Variants in WDFY4 observed in about 807,000 individuals in gnomAD.
WDFY4 encodes the protein WDFY family member 4, also known as WD repeat- and FYVE domain-containing protein 4.
WDFY4 carries 169 observed loss-of-function variants against 351.9 expected under a neutral mutation model. That is an observed-to-expected ratio of 0.48 (90% CI 0.42 to 0.55). The LOEUF (loss-of-function observed/expected upper bound fraction) is 0.55. Among genes scored for constraint, WDFY4 ranks in the 20% least tolerant of loss-of-function variants. The pLI is 0.00. For synonymous variants in WDFY4, 1,622 were observed against 1,574.6 expected, an observed-to-expected ratio of 1.03 and a Z score of -0.71; for missense variants, 3,803 against 3,935.6, an observed-to-expected ratio of 0.97 and a Z score of 0.90.
At chr10:48,810,483 C>T (rs1425317206) in intron 28 of WDFY4, 47 bp from the exon 29 acceptor site, 1 of 1,503,954 alleles carries the variant, frequency 6.6e-7, no homozygotes, top group Middle Eastern at 1.8e-4. Flanking sequence ...GGACATGTCA[C>T]TCGCTCATGG....
intron 44 of WDFY4, among the ~76,000 whole-genome samples, chr10:48,892,994 CA>C (rs1167357265): frequency 6.6e-6 from 1 of 152,138 alleles, no homozygotes; most frequent in Non-Finnish European, 1.5e-5. Context: ...TGCACACACA[CA>C]AAAAAACAGA....
Position 48,864,482 on chromosome 10 carries a change from T to G in WDFY4, c.6664-2783T>G, listed in dbSNP as rs113644102. ...AGTGCTGCACTGCCTTGTTTGCCAT[T>G]GCTTTACAGTAAGTTTTGAAATCAG... On this transcript the variant is annotated intron_variant, in intron 39 of 61. Transcript: ENST00000325239. Among the ~76,000 whole-genome samples, 115 of 152,344 alleles carry G rather than the reference T, an allele frequency of 7.5e-4. 1 individual carries two copies. The highest frequency in any genetic ancestry group is 2.6e-3 in the African/African-American group (109 of 41,582).
rs1427867499 is a variant in WDFY4 at position 48,811,676 on chromosome 10, A to T, written c.5182A>T (p.Thr1728Ser). Residue 1728 changes from threonine (T) to serine (S), a missense_variant, in exon 30 of 62, where the codon ACA becomes TCA. Transcript: ENST00000325239. ...CATCGTCTCCACCTTCTTCCTGCAG[A>T]CACCACTCACAGAGCTGATGGACGG... ...YLIVSTFFLQTPLTELMDGPK... is the reference protein window; with the variant it reads ...YLIVSTFFLQSPLTELMDGPK... The T allele has an allele frequency of 1.9e-5, 29 of 1,551,720 alleles. No homozygotes were observed. The highest frequency in any genetic ancestry group is 2.5e-5 in the Non-Finnish European group (29 of 1,147,010).
chr10:48,785,560 C>G (rs1000503899), intron 19 of WDFY4, among the ~76,000 whole-genome samples: 2 of 152,238 alleles, frequency 1.3e-5, no homozygotes, highest in East Asian at 3.9e-4. Context: ...TGTGGATGTT[C>G]AATTGCTCCA....
intron 13 of WDFY4, among the ~76,000 whole-genome samples, chr10:48,764,369 T>C (rs1040214017): frequency 2.0e-5 from 3 of 152,184 alleles, no homozygotes; most frequent in Non-Finnish European, 4.4e-5. Flanking sequence ...TATTAGAAAT[T>C]GGGTAGTGGG....
At chr10:48,767,118 T>C (rs1251539913) in intron 13 of WDFY4, among the ~76,000 whole-genome samples, 1 of 152,236 alleles carries the variant, frequency 6.6e-6, no homozygotes, top group East Asian at 1.9e-4. Flanking sequence ...TCATGAGCCT[T>C]GGAGTAAGGC....
At chr10:48,810,044 A>T (rs1201791328) in intron 28 of WDFY4, among the ~76,000 whole-genome samples, 1 of 141,554 alleles carries the variant, frequency 7.1e-6, no homozygotes. Context: ...GACGTTAATC[A>T]TGTTTCTTTT....
At chr10:48,739,335 C>T (rs1177416088) in intron 11 of WDFY4, among the ~76,000 whole-genome samples, 2 of 152,190 alleles carry the variant, frequency 1.3e-5, no homozygotes, top group East Asian at 1.9e-4. Flanking sequence ...ATGTGCTTAA[C>T]GCTGACCTTT....
chr10:48,734,022 G>C lies in WDFY4; in HGVS notation c.1674G>C (p.Ser558=). ...LRIVVTLLKG[S]VRNAVVLKDH... is the part of the protein sequence containing the mutation. ...TTGTAGTCACACTTCTGAAAGGCTC[G>C]GTGAGGAATGCAGGTAAGGATGGTG... Residue 558 remains serine, a synonymous_variant, in exon 10 of 62, where the codon TCG becomes TCC. Transcript: ENST00000325239. The C allele has an allele frequency of 6.4e-7, 1 of 1,552,040 alleles. No individual in the cohort carries two copies. Among genetic ancestry groups the C allele is most frequent in the Non-Finnish European group, 8.7e-7 (1 of 1,147,070 alleles).
chr10:48,813,887 A>G, intron 30 of WDFY4, 70 bp from the exon 31 acceptor site: 5 of 1,411,136 alleles, frequency 3.5e-6, no homozygotes, highest in Non-Finnish European at 4.6e-6. Context: ...AACATGATGA[A>G]CTGGCTGCAA....
intron 39 of WDFY4, among the ~76,000 whole-genome samples, chr10:48,847,256 C>A (rs1009426851): frequency 6.6e-6 from 1 of 152,138 alleles, no homozygotes; most frequent in East Asian, 1.9e-4. Context: ...TATAAGCACA[C>A]CAGTCACGTA....
rs545023929 is a variant in WDFY4, at chr10:48,791,600, G to A, written c.4257+683G>A. On this transcript the variant is annotated intron_variant, in intron 23 of 61. Transcript: ENST00000325239. ...GCATGTGTTTACTGTGATTGTCATTGCTATTTAGAATTGGTAAAGTCAGAT... is the reference window on the plus strand; with the variant it reads ...GCATGTGTTTACTGTGATTGTCATTACTATTTAGAATTGGTAAAGTCAGAT... Among the ~76,000 whole-genome samples the A allele has an allele frequency of 4.6e-5, 7 of 152,320 alleles. No homozygotes were observed. The South Asian group carries it at 8.3e-4, about 18-fold the overall frequency.
At chr10:48,702,350 T>C (rs1053393067) in intron 1 of WDFY4, among the ~76,000 whole-genome samples, 1 of 152,186 alleles carries the variant, frequency 6.6e-6, no homozygotes, top group Non-Finnish European at 1.5e-5. Context: ...ACAGGACATT[T>C]CTATCCCCCG....
Position 48,741,040 on chromosome 10 carries a change from G to T in WDFY4, c.1879-1928G>T, listed in dbSNP as rs184119741. The stretch of plus-strand genomic sequence containing the variant: ...TCTCCTAGTAACTGCAATCTGTTTT[G>T]TTTTTTAAATTTCTGGAAATGTCAT... On this transcript the variant is annotated intron_variant, in intron 11 of 61. Coordinates refer to ENST00000325239, the MANE Select transcript of WDFY4 (RefSeq NM_001394531.1). 5.3e-3 allele frequency among the ~76,000 whole-genome samples: 806 copies of T among 152,158 alleles called. 4 individuals carry two copies. Among genetic ancestry groups the T allele is most frequent in the Non-Finnish European group, 7.1e-3 (486 of 67,976 alleles).
At chr10:48,790,040 A>T in intron 22 of WDFY4, 55 bp downstream of exon 22, 3 of 1,516,250 alleles carry the variant, frequency 2.0e-6, no homozygotes, top group Non-Finnish European at 2.7e-6. Context: ...TTGTGCTGTC[A>T]TGGCTTGTGC....
At chr10:48,753,129 A>ATTT (rs536554250) in intron 12 of WDFY4, among the ~76,000 whole-genome samples, 10 of 152,010 alleles carry the variant, frequency 6.6e-5, no homozygotes, top group Non-Finnish European at 1.5e-5. Context: ...ATAATGTTGA[A>ATTT]TTTTTTTATG....
intron 5 of WDFY4, among the ~76,000 whole-genome samples, chr10:48,723,783 T>C (rs141000835): frequency 1.9e-3 from 284 of 152,222 alleles, no homozygotes; most frequent in African/African-American, 6.7e-3. Context: ...ATAAGCTTTG[T>C]ACCCACCCCT....
At chr10:48,771,874 T>G (rs2065876653) in intron 13 of WDFY4, among the ~76,000 whole-genome samples, 1 of 152,180 alleles carries the variant, frequency 6.6e-6, no homozygotes, top group Admixed American at 6.5e-5. Context: ...CAGGGAGGAC[T>G]CCAAGAAAGC....
At chr10:48,864,380 T>A (rs547305272) in intron 39 of WDFY4, among the ~76,000 whole-genome samples, 1 of 152,360 alleles carries the variant, frequency 6.6e-6, no homozygotes, top group South Asian at 2.1e-4. Context: ...TGTAAAGAAT[T>A]AATTGAATAT....
Sources: gnomAD v4.1 joint callset for allele counts (sites outside exome capture counted in the v4.1 genomes callset) on GRCh38, gnomAD v4.1.1 for gene constraint, MANE v1.5 for transcripts, NCBI Gene and HGNC (gene_info 2026-07-23, HGNC 2026-07-21) for gene names.